ATAD2B: variants seen among roughly 807,000 people sequenced by gnomAD.
ATAD2B encodes the protein ATPase family AAA domain containing 2B, also known as ATPase family AAA domain-containing protein 2B.
ATAD2B carries 40 observed loss-of-function variants against 167.6 expected under a neutral mutation model. The observed-to-expected ratio is 0.24, with a 90% CI of 0.19 to 0.31. The LOEUF (loss-of-function observed/expected upper bound fraction) is 0.31. Among genes scored for constraint, ATAD2B ranks in the 10% least tolerant of loss-of-function variants. The pLI, the probability that ATAD2B is intolerant of heterozygous loss-of-function variation, is 1.00. For synonymous variants in ATAD2B, 579 were observed against 596.5 expected (o/e 0.97, Z 0.43); for missense variants, 1,242 against 1,757.2 (o/e 0.71, Z 5.24).
In ATAD2B at chr2:23,749,245, G is replaced by C. The variant is rs2149285448; in HGVS notation, c.*2801C>G. 1 of 151,800 alleles carries C rather than the reference G, an allele frequency of 6.6e-6. No individual in the cohort carries two copies. Among genetic ancestry groups the C allele is most frequent in the African/African-American group, 2.4e-5 (1 of 41,400 alleles). The allele number at this position is 151,800 out of a possible 1,614,324, so 9.4% of individuals were successfully genotyped here. A position where few individuals can be genotyped will look rare whatever the true frequency, so the allele number is the denominator to read the frequency against. ...TCCACAGCCATCAGTTTCAACCCTA[G>C]TGCGGTTCCATCATCTTCAAAAAGC... On this transcript the variant is annotated 3_prime_UTR_variant, in exon 28 of 28. Coordinates refer to ENST00000238789, the MANE Select transcript of ATAD2B (RefSeq NM_017552.4).
chr2:23,920,854 G>A (rs1421595060), intron 1 of ATAD2B, among the ~76,000 whole-genome samples: 1 of 152,012 alleles, frequency 6.6e-6, no homozygotes, highest in Non-Finnish European at 1.5e-5. Flanking sequence ...CTCCAGAGAG[G>A]AGGCACAAAA....
chr2:23,878,799 C>T (rs1045083428), intron 7 of ATAD2B, among the ~76,000 whole-genome samples: 4 of 151,998 alleles, frequency 2.6e-5, no homozygotes, highest in Non-Finnish European at 4.4e-5. Context: ...GGTCTAATAT[C>T]CAGAACATAT....
chr2:23,753,223 A>G (rs2149295728), intron 27 of ATAD2B, among the ~76,000 whole-genome samples: 1 of 152,324 alleles, frequency 6.6e-6, no homozygotes, highest in South Asian at 2.1e-4. Flanking sequence ...CTCCTGCTAA[A>G]TGTTTTATCA....
At position 23,819,913 on chromosome 2, in the gene ATAD2B, C is replaced by T. The variant is rs139990082; in HGVS notation, c.2132-31G>A. ...TAAAAAAATCACAATGGTTATGGGG[C>T]TTATAAAGTCATTTAATATTCGTGC... is the stretch of plus-strand genomic sequence containing the variant. On this transcript the variant is annotated intron_variant, in intron 16 of 27. Transcript: ENST00000238789. 4.1e-5 allele frequency: 60 copies of T among 1,479,244 alleles called. No homozygotes were observed. In the African/African-American group the frequency reaches 7.5e-4, roughly 19 times the overall value. The allele number at this position is 1,479,244 out of a possible 1,614,324, so 91.6% of individuals were successfully genotyped here. A position where few individuals can be genotyped will look rare whatever the true frequency, so the allele number is the denominator to read the frequency against.
intron 13 of ATAD2B, among the ~76,000 whole-genome samples, chr2:23,855,122 G>C (rs570844596): frequency 2.6e-5 from 4 of 151,702 alleles, no homozygotes; most frequent in Non-Finnish European, 5.9e-5. Context: ...TCAATGCGGG[G>C]TGCGGAGGTT....
At chr2:23,795,499 T>C (rs1682458411) in intron 19 of ATAD2B, among the ~76,000 whole-genome samples, 1 of 152,188 alleles carries the variant, frequency 6.6e-6, no homozygotes, top group Non-Finnish European at 1.5e-5. Flanking sequence ...CTACTTGGTC[T>C]ACAACTCTCT....
At chr2:23,907,018 A>G (rs1261466939) in intron 1 of ATAD2B, among the ~76,000 whole-genome samples, 2 of 150,548 alleles carry the variant, frequency 1.3e-5, no homozygotes, top group African/African-American at 2.5e-5. Flanking sequence ...ATCATACCGA[A>G]TGGGCAAAAA....
intron 1 of ATAD2B, among the ~76,000 whole-genome samples, chr2:23,914,731 A>G (rs946031533): frequency 2.0e-5 from 3 of 151,734 alleles, no homozygotes; most frequent in Non-Finnish European, 4.4e-5. Context: ...AGTCCCAGCT[A>G]CTCGGGAGGC....
At chr2:23,831,591 C>A (rs1689082221) in intron 14 of ATAD2B, among the ~76,000 whole-genome samples, 1 of 152,108 alleles carries the variant, frequency 6.6e-6, no homozygotes, top group South Asian at 2.1e-4. Context: ...CCGTGCCTCC[C>A]AATTCACTGA....
chr2:23,878,024 A>AAAG (rs1697233032), intron 7 of ATAD2B, among the ~76,000 whole-genome samples: 1 of 143,516 alleles, frequency 7.0e-6, no homozygotes, highest in Non-Finnish European at 1.5e-5. Context: ...GAAAAAAAAA[A>AAAG]AAAAAAAAAA....
chr2:23,742,318 C>T, the ATAD2B span, among the ~76,000 whole-genome samples: 1 of 151,832 alleles, frequency 6.6e-6, no homozygotes, highest in East Asian at 1.9e-4. Context: ...TGTCCAACAA[C>T]GATAGACTGG....
At chr2:23,723,852 A>G in the ATAD2B span, among the ~76,000 whole-genome samples, 30 of 152,344 alleles carry the variant, frequency 2.0e-4, no homozygotes, top group East Asian at 5.6e-3. Context: ...ACCAAGATAC[A>G]GAATCAGATA....
chr2:23,718,312 G>A, the ATAD2B span, among the ~76,000 whole-genome samples: 5 of 152,122 alleles, frequency 3.3e-5, no homozygotes, highest in Non-Finnish European at 7.4e-5. Context: ...GTGAGCCCTA[G>A]GAAAGCATTA....
At chr2:23,862,778 T>A (rs559421094) in intron 12 of ATAD2B, among the ~76,000 whole-genome samples, 1 of 152,144 alleles carries the variant, frequency 6.6e-6, no homozygotes, top group South Asian at 2.1e-4. Flanking sequence ...GATACTTAAG[T>A]TTTTATGCCT....
At chr2:23,865,529 C>CA (rs58309800) in intron 10 of ATAD2B, among the ~76,000 whole-genome samples, 25,086 of 96,300 alleles carry the variant, frequency 0.26, 2,274 homozygotes, top group Middle Eastern at 0.39. Flanking sequence ...AACTCCACCT[C>CA]AAAAAAAAAA....
chr2:23,916,304 A>G (rs536952324), intron 1 of ATAD2B, among the ~76,000 whole-genome samples: 7 of 152,370 alleles, frequency 4.6e-5, no homozygotes, highest in African/African-American at 1.7e-4. Context: ...TCCTAACACT[A>G]AAAGTTTTAA....
At chr2:23,716,130 G>C in the ATAD2B span, among the ~76,000 whole-genome samples, 1 of 152,192 alleles carries the variant, frequency 6.6e-6, no homozygotes. Context: ...CATACACAAT[G>C]TTTAGAAAGA....
intron 7 of ATAD2B, among the ~76,000 whole-genome samples, chr2:23,878,038 A>AAAAAAAAT (rs1697274567): frequency 6.8e-6 from 1 of 146,488 alleles, no homozygotes; most frequent in Non-Finnish European, 1.5e-5. Flanking sequence ...AAAAAAAAAA[A>AAAAAAAAT]AGCAAAATGT....
At chr2:23,897,582 T>C (rs1700300303) in intron 1 of ATAD2B, among the ~76,000 whole-genome samples, 2 of 152,252 alleles carry the variant, frequency 1.3e-5, no homozygotes, top group Admixed American at 6.5e-5. Context: ...TATATTTTTA[T>C]CAGTATCATG....
Sources: gnomAD v4.1 joint callset for allele counts (sites outside exome capture counted in the v4.1 genomes callset) on GRCh38, gnomAD v4.1.1 for gene constraint, MANE v1.5 for transcripts, NCBI Gene and HGNC (gene_info 2026-07-23, HGNC 2026-07-21) for gene names.